Variants in RAPGEFL1 observed in about 807,000 individuals in gnomAD.
RAPGEFL1 encodes Rap guanine nucleotide exchange factor like 1.
Under a neutral mutation model 64.4 loss-of-function variants are expected in RAPGEFL1, and 31 were observed. That is an observed-to-expected ratio of 0.48 (90% CI 0.36 to 0.65). The LOEUF (loss-of-function observed/expected upper bound fraction) is 0.65, where lower values mean the gene tolerates loss of function less well. Ranked by LOEUF, RAPGEFL1 falls within the 30% of genes least tolerant of loss-of-function variation. RAPGEFL1 has a pLI of 0.00. For missense variants in RAPGEFL1, 682 were observed against 677.4 expected (o/e 1.01, Z -0.08); for synonymous variants, 331 against 274.1 (o/e 1.21, Z -2.05).
chr17:40,192,332 C>G (rs957323526), intron 11 of RAPGEFL1, 69 bp downstream of exon 11: 172 of 1,506,272 alleles, frequency 1.1e-4, no homozygotes, highest in Non-Finnish European at 1.5e-4. Flanking sequence ...CCCATAAACC[C>G]CCTTCCTCAA....
At chr17:40,182,334 T>C (rs1989919110) in intron 2 of RAPGEFL1, among the ~76,000 whole-genome samples, 1 of 151,996 alleles carries the variant, frequency 6.6e-6, no homozygotes, top group Non-Finnish European at 1.5e-5. Context: ...TATTTTGAGA[T>C]GGAGTCTTGC....
At position 40,184,339 on chromosome 17, in the gene RAPGEFL1, A is replaced by G; in HGVS notation, c.725A>G (p.His242Arg). ...CTTCAAGAGGAAGAGGGGGCCGGCC[A>G]CATCATCAAGGTGGGCCTGGGGGAA... ...GLLQEEEGAG[H>R]IIKDLYLLIM... Residue 242 changes from histidine to arginine, a missense_variant, in exon 3 of 15, where the codon CAC becomes CGC. By Grantham distance (29) the His-to-Arg change is conservative (BLOSUM62 0). Coordinates refer to ENST00000620260, the MANE Select transcript of RAPGEFL1 (RefSeq NM_016339.6). 1 of 1,610,974 alleles carries G rather than the reference A, an allele frequency of 6.2e-7. No individual in the cohort carries two copies. Among genetic ancestry groups the G allele is most frequent in the Non-Finnish European group, 8.5e-7 (1 of 1,178,976 alleles).
Position 40,177,591 on chromosome 17 carries a change from C to A in RAPGEFL1, c.-271C>A. On this transcript the variant is annotated 5_prime_UTR_variant, in exon 1 of 15. Transcript: ENST00000620260. ...CGCAGAGCCGGGCGCACCGGCCCCGCAGCCTGCCCACTCTTCGGGCCGCGT... is the reference window on the plus strand; with the variant it reads ...CGCAGAGCCGGGCGCACCGGCCCCGAAGCCTGCCCACTCTTCGGGCCGCGT... 2.5e-6 allele frequency: 1 copy of A among 394,358 alleles called. No individual in the cohort carries two copies. 24.4% of individuals were successfully genotyped at this position (394,358 alleles called of 1,614,324 possible).
chr17:40,189,137 C>T (rs1319936102), intron 5 of RAPGEFL1, 71 bp from the exon 6 acceptor site: 3 of 1,547,392 alleles, frequency 1.9e-6, no homozygotes, highest in Middle Eastern at 1.8e-4. Context: ...AATAGAGGCA[C>T]CCTGGAGGAG....
intron 11 of RAPGEFL1, 67 bp downstream of exon 11, chr17:40,192,330 C>G (rs962551679): frequency 2.3e-5 from 34 of 1,507,764 alleles, no homozygotes; most frequent in Admixed American, 1.3e-4. Flanking sequence ...TTCCCATAAA[C>G]CCCCTTCCTC....
Position 40,184,693 on chromosome 17 carries a change from G to A in RAPGEFL1, c.833+15G>A. ...GTGGAACTAAAGTGAGGGGGAGTGG[G>A]GCAGGGGCGGGAACAGGAAAGTGGT... On this transcript the variant is annotated intron_variant, in intron 4 of 14. Coordinates refer to ENST00000620260, the MANE Select transcript of RAPGEFL1 (RefSeq NM_016339.6). 1 of 1,488,810 alleles carries A rather than the reference G, an allele frequency of 6.7e-7. No homozygotes were observed. Among genetic ancestry groups the A allele is most frequent in the South Asian group, 1.2e-5 (1 of 83,498 alleles). The allele number at this position is 1,488,810 out of a possible 1,614,324, so 92.2% of individuals were successfully genotyped here.
intron 2 of RAPGEFL1, among the ~76,000 whole-genome samples, chr17:40,182,882 A>C (rs192552894): frequency 6.6e-6 from 1 of 152,042 alleles, no homozygotes; most frequent in East Asian, 1.9e-4. Context: ...GCACGGTGGC[A>C]TATGACTTTA....
chr17:40,193,600 GGT>G (rs1990355446), intron 14 of RAPGEFL1, 62 bp from the exon 15 acceptor site: 3 of 1,610,142 alleles, frequency 1.9e-6, no homozygotes, highest in Non-Finnish European at 2.5e-6. Flanking sequence ...TCTTCTGCCC[GGT>G]GTGTGTGTAG....
intron 7 of RAPGEFL1, 39 bp from the exon 8 acceptor site, chr17:40,190,601 C>T: frequency 6.2e-7 from 1 of 1,614,034 alleles, no homozygotes; most frequent in Non-Finnish European, 8.5e-7. Flanking sequence ...CTCACCCTGC[C>T]ACCAGGAGCC....
At chr17:40,187,338 A>G (rs1406296626) in intron 4 of RAPGEFL1, among the ~76,000 whole-genome samples, 4 of 152,020 alleles carry the variant, frequency 2.6e-5, no homozygotes, top group African/African-American at 9.7e-5. Context: ...ACCCTTAGGG[A>G]GGCCTCAGCT....
At position 40,178,298 on chromosome 17, in the gene RAPGEFL1, G is replaced by A; in HGVS notation, c.437G>A (p.Gly146Asp). The change falls in exon 1 of 15, where the codon GGC becomes GAC. Residue 146 changes from glycine (G) to aspartate (D), a missense_variant. Physicochemically the swap from Gly to Asp is moderately conservative, Grantham distance 94 (BLOSUM62 -1). Coordinates refer to ENST00000620260, the MANE Select transcript of RAPGEFL1 (RefSeq NM_016339.6). ...ACTTCGCCGCCCTGGGCCCCTCTGG[G>A]CGCCCCCGAGCGGCCCGAGCATCTT... ...PLTSPPWAPL[G>D]APERPEHLLN... The A allele has an allele frequency of 3.2e-6, 2 of 633,546 alleles. No individual in the cohort carries two copies. 39.2% of individuals were successfully genotyped at this position (633,546 alleles called of 1,614,324 possible). A position where few individuals can be genotyped will look rare whatever the true frequency, so the allele number is the denominator to read the frequency against.
intron 3 of RAPGEFL1, 79 bp downstream of exon 3, chr17:40,184,428 C>T (rs1189475886): frequency 9.8e-6 from 13 of 1,332,848 alleles, no homozygotes; most frequent in Non-Finnish European, 1.3e-5. Context: ...CCATACTTCT[C>T]ATTCTGGGTA....
At chr17:40,192,526 G>C in intron 11 of RAPGEFL1, 80 bp from the exon 12 acceptor site, 1 of 1,244,832 alleles carries the variant, frequency 8.0e-7, no homozygotes, top group Non-Finnish European at 1.2e-6. Context: ...TACAAGGCAG[G>C]GGGTGAGGGA....
chr17:40,177,521 CGT>C lies in RAPGEFL1; in HGVS notation c.-340_-339del. The stretch of plus-strand genomic sequence containing the variant: ...GCAGCCGCCGCCGCCGCCGCCGCCG[CGT>C]CCTCTCAGCCTTGCGCTCCGCCCGC... On this transcript the variant is annotated 5_prime_UTR_variant, in exon 1 of 15. Transcript: ENST00000620260. 1.7e-6 allele frequency: 1 copy of C among 594,914 alleles called. No homozygotes were observed. Among genetic ancestry groups the C allele is most frequent in the East Asian group, 2.9e-5 (1 of 33,954 alleles). 36.9% of individuals were successfully genotyped at this position (594,914 alleles called of 1,614,324 possible). A position where few individuals can be genotyped will look rare whatever the true frequency, so the allele number is the denominator to read the frequency against.
chr17:40,191,647 T>C lies in RAPGEFL1; in HGVS notation c.1580T>C (p.Val527Ala). 1 of 1,612,566 alleles carries C rather than the reference T, an allele frequency of 6.2e-7. No homozygotes were observed. The highest frequency in any genetic ancestry group is 8.5e-7 in the Non-Finnish European group (1 of 1,179,544). ...AVVMGLDNAA[V>A]SRLRLTWEKL... ...GTCATGGGGCTGGACAACGCCGCTG[T>C]CAGCCGCCTTCGACTCACCTGGGAG... The change falls in exon 10 of 15, where the codon GTC becomes GCC. Residue 527 changes from valine (V) to alanine (A), a missense_variant. Around this residue, in one of 2 missense-constraint regions of RAPGEFL1, gnomAD observed 411 missense variants for 519.4 expected, o/e 0.79. Transcript: ENST00000620260. This position sits in a 1 kb window ranked among gnomAD's most constrained non-coding sequence, Gnocchi z 5.1.
chr17:40,194,415 C>G lies in RAPGEFL1; in HGVS notation c.*627C>G, dbSNP rs140263623. 0.015 allele frequency: 2,336 copies of G among 152,924 alleles called. 29 individuals carry two copies. The highest frequency in any genetic ancestry group is 0.023 in the Non-Finnish European group (1,568 of 68,336). The allele number at this position is 152,924 out of a possible 1,614,324, so 9.5% of individuals were successfully genotyped here. ...CCCTGGATGGTGCGGGGTGCTTTCT[C>G]CACCCCCACACTCCCTGCTCAGCTC... On this transcript the variant is annotated 3_prime_UTR_variant, in exon 15 of 15. Coordinates refer to ENST00000620260, the MANE Select transcript of RAPGEFL1 (RefSeq NM_016339.6).
At position 40,192,674 on chromosome 17, in the gene RAPGEFL1, C is replaced by T. The variant is rs905616656; in HGVS notation, c.1725C>T (p.Phe575=). 17 of 1,613,682 alleles carry T rather than the reference C, an allele frequency of 1.1e-5. No homozygotes were observed. Among genetic ancestry groups the T allele is most frequent in the African/African-American group, 4.0e-5 (3 of 74,878 alleles). The change falls in exon 12 of 15, where the codon TTC becomes TTT. Residue 575 remains phenylalanine (F), a synonymous_variant. Transcript: ENST00000620260. The part of the protein sequence containing the change: ...ISKMKPPVIP[F]VPLILKDLTF... ...AAATGAAGCCCCCTGTGATTCCCTT[C>T]GTGCCTCTGATCCTCAAAGGTGAGA...
intron 4 of RAPGEFL1, among the ~76,000 whole-genome samples, chr17:40,185,279 T>C (rs1990026598): frequency 6.6e-6 from 1 of 152,164 alleles, no homozygotes; most frequent in African/African-American, 2.4e-5. Context: ...TCTGTCACCA[T>C]GGCTGATTTC....
At chr17:40,192,169 G>T in intron 10 of RAPGEFL1, 44 bp from the exon 11 acceptor site, 1 of 1,574,414 alleles carries the variant, frequency 6.4e-7, no homozygotes, top group South Asian at 1.1e-5. Context: ...GTAACCCAAG[G>T]AGCTCCACTC....
Sources: allele counts gnomAD v4.1 joint callset (sites outside exome capture counted in the v4.1 genomes callset), GRCh38; gene constraint gnomAD v4.1.1; regional missense constraint gnomAD v4.1.1; non-coding constraint Gnocchi (gnomAD v3.1); transcripts MANE v1.5; gene names NCBI Gene and HGNC (gene_info 2026-07-23, HGNC 2026-07-21).